Variants in CNTNAP2 observed in about 807,000 individuals in gnomAD.
CNTNAP2 encodes contactin associated protein 2.
Under a neutral mutation model 155.2 loss-of-function variants are expected in CNTNAP2, and 98 were observed. That is an observed-to-expected ratio of 0.63 (90% CI 0.54 to 0.75). CNTNAP2 has a LOEUF of 0.75. Among genes scored for constraint, CNTNAP2 ranks in the 30% least tolerant of loss-of-function variants. The pLI is 0.00. For synonymous variants in CNTNAP2, 651 were observed against 631.2 expected (o/e 1.03, Z -0.47); for missense variants, 1,727 against 1,688.1 (o/e 1.02, Z -0.40).
intron 9 of CNTNAP2, among the ~76,000 whole-genome samples, chr7:147,388,016 T>A (rs1796651719): frequency 2.0e-5 from 3 of 152,200 alleles, no homozygotes; most frequent in Non-Finnish European, 4.4e-5. Context: ...AGGAGCTTTC[T>A]ATTTTCCCTG....
chr7:147,370,416 G>T (rs977237846), intron 9 of CNTNAP2, among the ~76,000 whole-genome samples: 10 of 152,160 alleles, frequency 6.6e-5, no homozygotes, highest in Non-Finnish European at 5.9e-5. Context: ...ACTTGCAGTG[G>T]TGTGCTGGAG....
intron 1 of CNTNAP2, among the ~76,000 whole-genome samples, chr7:146,759,036 T>C (rs1298911181): frequency 6.6e-6 from 1 of 152,236 alleles, no homozygotes; most frequent in African/African-American, 2.4e-5. Flanking sequence ...CACACCCACA[T>C]ATATGTGTTG....
intron 21 of CNTNAP2, among the ~76,000 whole-genome samples, chr7:148,362,298 C>T (rs1295502048): frequency 2.0e-5 from 3 of 152,252 alleles, no homozygotes; most frequent in African/African-American, 7.2e-5. Flanking sequence ...ATTACGTCCC[C>T]CCAGGTCCCT....
intron 13 of CNTNAP2, among the ~76,000 whole-genome samples, chr7:147,790,557 A>C (rs1213385639): frequency 6.6e-6 from 1 of 152,202 alleles, no homozygotes; most frequent in East Asian, 1.9e-4. Context: ...AAACTCTGCT[A>C]ATCATATTAT....
At chr7:147,636,455 T>C (rs1036920650) in intron 12 of CNTNAP2, among the ~76,000 whole-genome samples, 1 of 152,186 alleles carries the variant, frequency 6.6e-6, no homozygotes, top group Non-Finnish European at 1.5e-5. Context: ...CTTTAAGTTC[T>C]TGGATACATG....
intron 20 of CNTNAP2, chr7:148,263,131 CCTT>C (rs1276921661): frequency 6.7e-6 from 1 of 149,066 alleles, no homozygotes; most frequent in Non-Finnish European, 1.5e-5. Flanking sequence ...ACGCTTTCCT[CCTT>C]CCCTCCTTTG....
chr7:147,964,825 C>T (rs1345260447), intron 14 of CNTNAP2, among the ~76,000 whole-genome samples: 1 of 152,118 alleles, frequency 6.6e-6, no homozygotes, highest in African/African-American at 2.4e-5. Flanking sequence ...TAGAGATGAC[C>T]TTGTTTATTA....
At chr7:146,712,925 T>C (rs1444899148) in intron 1 of CNTNAP2, among the ~76,000 whole-genome samples, 2 of 151,998 alleles carry the variant, frequency 1.3e-5, no homozygotes, top group East Asian at 1.9e-4. Context: ...TTTATTTTAA[T>C]ATACACACAT....
At chr7:147,148,821 T>A (rs771431976) in intron 8 of CNTNAP2, among the ~76,000 whole-genome samples, 6 of 152,046 alleles carry the variant, frequency 3.9e-5, no homozygotes, top group Non-Finnish European at 2.9e-5. Flanking sequence ...TTGCAGTGAG[T>A]GTTACAGCTC....
chr7:147,418,654 C>T (rs1797239929), intron 10 of CNTNAP2, among the ~76,000 whole-genome samples: 1 of 152,162 alleles, frequency 6.6e-6, no homozygotes, highest in Non-Finnish European at 1.5e-5. Flanking sequence ...TAGCATGTTG[C>T]TATGGCAAAA....
intron 13 of CNTNAP2, among the ~76,000 whole-genome samples, chr7:147,806,155 G>A (rs531699226): frequency 6.6e-6 from 1 of 152,158 alleles, no homozygotes; most frequent in South Asian, 2.1e-4. Context: ...ATAGCAAAAA[G>A]CAACTAATAA....
rs1406025051 is a variant in CNTNAP2 at position 147,774,698 on chromosome 7, A to T, written c.2099-128867A>T. Reference sequence around the variant, plus strand: ...TCTGCACATAAGGGAGAGAGCCCTCACCAGGAACCAGATTGGATGGCACCT... The same window carrying T: ...TCTGCACATAAGGGAGAGAGCCCTCTCCAGGAACCAGATTGGATGGCACCT... On this transcript the variant is annotated intron_variant, in intron 13 of 23. Coordinates refer to ENST00000361727, the MANE Select transcript of CNTNAP2 (RefSeq NM_014141.6). Among the ~76,000 whole-genome samples, 3 of 152,168 alleles carry T rather than the reference A, an allele frequency of 2.0e-5. No homozygotes were observed. The East Asian group carries it at 5.8e-4, about 29-fold the overall frequency.
chr7:146,279,818 C>T (rs1377918107), intron 1 of CNTNAP2, among the ~76,000 whole-genome samples: 1 of 151,454 alleles, frequency 6.6e-6, no homozygotes, highest in Non-Finnish European at 1.5e-5. Context: ...ATTTTTAAAA[C>T]ATGCTTAAGG....
intron 14 of CNTNAP2, among the ~76,000 whole-genome samples, chr7:147,959,779 A>C (rs1801084899): frequency 6.6e-6 from 1 of 151,554 alleles, no homozygotes. Context: ...ATGGAAAGCT[A>C]CTCCTGCCCC....
At chr7:148,286,734 T>C (rs1797090510) in intron 21 of CNTNAP2, among the ~76,000 whole-genome samples, 1 of 152,204 alleles carries the variant, frequency 6.6e-6, no homozygotes, top group Admixed American at 6.5e-5. Flanking sequence ...TAAAACACTA[T>C]CGTGTGGATT....
At chr7:146,552,016 G>A (rs1443430160) in intron 1 of CNTNAP2, among the ~76,000 whole-genome samples, 1 of 151,972 alleles carries the variant, frequency 6.6e-6, no homozygotes, top group Non-Finnish European at 1.5e-5. Context: ...ATATGTCACT[G>A]GAAATAGATA....
In CNTNAP2 at chr7:147,132,514, G is replaced by C. The variant is rs375844898; in HGVS notation, c.1348+5G>C. On this transcript the variant is annotated splice_donor_5th_base_variant and intron_variant, in intron 8 of 23. Transcript: ENST00000361727. ...GCCAAATCGATATTTCCTCAGGTCA[G>C]TGAAACCTATTTGACATTTGTTCCT... 6.2e-7 allele frequency: 1 copy of C among 1,613,336 alleles called. No homozygotes were observed. Among genetic ancestry groups the C allele is most frequent in the Admixed American group, 1.7e-5 (1 of 59,896 alleles).
intron 1 of CNTNAP2, chr7:146,311,933 T>A (rs916375533): frequency 2.0e-5 from 3 of 152,040 alleles, no homozygotes; most frequent in African/African-American, 7.2e-5. Flanking sequence ...GGAAGGACAA[T>A]CAATATAAAT....
intron 3 of CNTNAP2, among the ~76,000 whole-genome samples, chr7:147,020,785 G>A (rs1354261179): frequency 6.6e-6 from 1 of 152,062 alleles, no homozygotes; most frequent in Non-Finnish European, 1.5e-5. Flanking sequence ...CATAGTTTCA[G>A]AAGTCAATTG....
Sources: gnomAD v4.1 joint callset for allele counts (sites outside exome capture counted in the v4.1 genomes callset) on GRCh38, gnomAD v4.1.1 for gene constraint, MANE v1.5 for transcripts, NCBI Gene and HGNC (gene_info 2026-07-23, HGNC 2026-07-21) for gene names.